CCDC171: variants seen among roughly 807,000 people sequenced by gnomAD.
CCDC171 encodes the protein coiled-coil domain-containing protein 171.
CCDC171 carries 177 observed loss-of-function variants against 168.2 expected under a neutral mutation model. The observed-to-expected ratio is 1.05, with a 90% CI of 0.93 to 1.19. The LOEUF is 1.19. Ranked by LOEUF, CCDC171 falls within the 50% of genes most tolerant of loss-of-function variation. CCDC171 has a pLI of 0.00. For missense variants in CCDC171, 1,991 were observed against 1,539.0 expected, an observed-to-expected ratio of 1.29 and a Z score of -4.91; for synonymous variants, 687 against 540.8, an observed-to-expected ratio of 1.27 and a Z score of -3.75.
chr9:15,858,435 C>G (rs1312458555), intron 23 of CCDC171, among the ~76,000 whole-genome samples: 1 of 151,982 alleles, frequency 6.6e-6, no homozygotes, highest in African/African-American at 2.4e-5. Context: ...TTTAGAATTG[C>G]TTTTTCTATT....
chr9:15,967,432 CT>C (rs1265193063), intron 25 of CCDC171, among the ~76,000 whole-genome samples: 1 of 152,168 alleles, frequency 6.6e-6, no homozygotes, highest in African/African-American at 2.4e-5. Context: ...ATCTATTTGG[CT>C]TTATTTTAGA....
At position 15,845,219 on chromosome 9, in the gene CCDC171, G is replaced by A. The variant is rs115922708; in HGVS notation, c.3268-1483G>A. On this transcript the variant is annotated intron_variant, in intron 21 of 25. Coordinates refer to ENST00000380701, the MANE Select transcript of CCDC171 (RefSeq NM_173550.4). ...TTGGCACAAAATTAGTAGGTTTAGC[G>A]TGGTTTTAAAAATTTATTCTTTGCC... Among the ~76,000 whole-genome samples the A allele has an allele frequency of 8.5e-3, 1,288 of 152,092 alleles. 18 individuals carry two copies. Among genetic ancestry groups the A allele is most frequent in the African/African-American group, 0.029 (1,221 of 41,526 alleles).
At chr9:16,106,598 C>T in the CCDC171 span, among the ~76,000 whole-genome samples, 1 of 152,262 alleles carries the variant, frequency 6.6e-6, no homozygotes, top group South Asian at 2.1e-4. Context: ...ACAGTGAATT[C>T]CAGAACAAAG....
At chr9:15,974,353 T>C (rs530583856), downstream of CCDC171, among the ~76,000 whole-genome samples, 1 of 152,292 alleles carries the variant, frequency 6.6e-6, no homozygotes, top group South Asian at 2.1e-4. Context: ...AATTGCTGCA[T>C]ATTTGAGATC....
At position 15,691,605 on chromosome 9, in the gene CCDC171, G is replaced by A. The variant is rs115176093; in HGVS notation, c.1216-3630G>A. On this transcript the variant is annotated intron_variant, in intron 10 of 25. Coordinates refer to ENST00000380701, the MANE Select transcript of CCDC171 (RefSeq NM_173550.4). ...AAACTTGGTGCTTTATAAATACTGT[G>A]TTTTTTAAGGTAGACTTTGATTGCC... 5.0e-3 allele frequency among the ~76,000 whole-genome samples: 684 copies of A among 138,170 alleles called. 3 individuals are homozygous for A. The highest frequency in any genetic ancestry group is 0.018 in the African/African-American group (661 of 36,308). The allele number at this position is 138,170 out of a possible 152,430, so 90.6% of individuals were successfully genotyped here. A position where few individuals can be genotyped will look rare whatever the true frequency, so the allele number is the denominator to read the frequency against.
At chr9:16,003,304 C>G (rs57716167) in intron 3 of CCDC171, among the ~76,000 whole-genome samples, 4,522 of 152,242 alleles carry the variant, frequency 0.03, 244 homozygotes, top group African/African-American at 0.1. Context: ...CCTTCCAGTT[C>G]TACAATGCCA....
chr9:15,975,282 T>G (rs1378972155), downstream of CCDC171, among the ~76,000 whole-genome samples: 1 of 152,146 alleles, frequency 6.6e-6, no homozygotes, highest in Non-Finnish European at 1.5e-5. Context: ...ACCTAGGAAT[T>G]AGTAAGCCTA....
intron 16 of CCDC171, among the ~76,000 whole-genome samples, chr9:15,743,501 C>T (rs1286540153): frequency 1.3e-5 from 2 of 152,052 alleles, no homozygotes; most frequent in African/African-American, 4.8e-5. Context: ...TTTCAAGATT[C>T]CTTACTGATT....
chr9:15,605,015 C>T (rs982832044), intron 6 of CCDC171, among the ~76,000 whole-genome samples: 10 of 152,086 alleles, frequency 6.6e-5, no homozygotes, highest in African/African-American at 2.4e-4. Flanking sequence ...CCTACCTCAG[C>T]CTCCTTTGTA....
At chr9:15,646,452 C>G (rs2047045048) in intron 7 of CCDC171, among the ~76,000 whole-genome samples, 1 of 152,134 alleles carries the variant, frequency 6.6e-6, no homozygotes, top group Non-Finnish European at 1.5e-5. Flanking sequence ...AAGACACAGA[C>G]TGGCAAATTG....
rs926809726 is a variant in CCDC171 at position 15,554,688 on chromosome 9, A to G, written c.-112+1386A>G. ...CAAACTTCCCCTTTAAAGGTTGATT[A>G]TGTACCTATGCTGAGAAACACTTCC... On this transcript the variant is annotated intron_variant, in intron 1 of 25. Transcript: ENST00000380701. Among the ~76,000 whole-genome samples the G allele has an allele frequency of 3.3e-5, 5 of 152,206 alleles. No individual in the cohort carries two copies. In the South Asian group the frequency reaches 6.2e-4, roughly 19 times the overall value.
In CCDC171 at chr9:15,594,093, G is replaced by A. The variant is rs752038797; in HGVS notation, c.596G>A (p.Arg199Lys). 1.5e-5 allele frequency: 24 copies of A among 1,572,112 alleles called. 1 individual carries two copies. The highest frequency in any genetic ancestry group is 5.6e-5 in the South Asian group (5 of 88,538). ...AAGAATGAGATGGAGTCTCATATCA[G>A]GGAGACAGCATTGGAGGAGTTTAGA... The part of the protein sequence containing the change: ...REKNEMESHI[R>K]ETALEEFRLQ... The change falls in exon 6 of 26, where the codon AGG (arginine) becomes AAG (lysine). Residue 199 changes from arginine to lysine, a missense_variant. Transcript: ENST00000380701.
At chr9:15,875,692 G>T (rs916286078) in intron 24 of CCDC171, 1 of 151,924 alleles carries the variant, frequency 6.6e-6, no homozygotes, top group Admixed American at 6.6e-5. Context: ...GTCAGTGTGT[G>T]TGTGGAGCAA....
intron 11 of CCDC171, among the ~76,000 whole-genome samples, chr9:15,711,742 G>A (rs2052682839): frequency 6.6e-6 from 1 of 152,220 alleles, no homozygotes; most frequent in African/African-American, 2.4e-5. Context: ...TATTGAATGT[G>A]TATTGCTTTG....
upstream of CCDC171, chr9:16,042,681 C>T (rs1225196953): frequency 6.6e-6 from 1 of 152,074 alleles, no homozygotes; most frequent in African/African-American, 2.4e-5. Context: ...GATATGGGGA[C>T]CTGCAGTTTC....
chr9:15,599,936 G>A (rs1046702171), intron 6 of CCDC171, among the ~76,000 whole-genome samples: 6 of 151,966 alleles, frequency 3.9e-5, no homozygotes, highest in East Asian at 1.9e-4. Flanking sequence ...CCAGTTGATC[G>A]AATCGGCTAC....
chr9:15,807,202 A>C (rs939273627), intron 21 of CCDC171, among the ~76,000 whole-genome samples: 1 of 152,116 alleles, frequency 6.6e-6, no homozygotes, highest in African/African-American at 2.4e-5. Flanking sequence ...CATATTCTGA[A>C]TTCTATTTCT....
chr9:15,632,763 T>G (rs1334142026), intron 7 of CCDC171, among the ~76,000 whole-genome samples: 2 of 152,222 alleles, frequency 1.3e-5, no homozygotes, highest in Admixed American at 6.5e-5. Context: ...GCTACCTGAC[T>G]TCAAACTATA....
intron 21 of CCDC171, among the ~76,000 whole-genome samples, chr9:15,834,164 C>A (rs1326720239): frequency 6.6e-6 from 1 of 152,084 alleles, no homozygotes; most frequent in African/African-American, 2.4e-5. Context: ...TCTCATTAAT[C>A]TGAGACTCAG....
Sources: allele counts gnomAD v4.1 joint callset (sites outside exome capture counted in the v4.1 genomes callset), GRCh38; gene constraint gnomAD v4.1.1; transcripts MANE v1.5; gene names NCBI Gene and HGNC (gene_info 2026-07-23, HGNC 2026-07-21).